Variants in SEMA3C observed in about 807,000 individuals in gnomAD.
The protein encoded by SEMA3C is semaphorin-3C.
In SEMA3C, 47 loss-of-function variants were observed where a neutral mutation model predicts 89.4. The observed-to-expected ratio is 0.53, with a 90% CI of 0.42 to 0.67. The LOEUF (loss-of-function observed/expected upper bound fraction) is 0.67. Ranked by LOEUF, SEMA3C falls within the 30% of genes least tolerant of loss-of-function variation. The pLI, the probability that SEMA3C is intolerant of heterozygous loss-of-function variation, is 0.00. For missense variants in SEMA3C, 839 were observed against 929.1 expected (o/e 0.90, Z 1.26); for synonymous variants, 310 against 320.2 (o/e 0.97, Z 0.34).
intron 12 of SEMA3C, among the ~76,000 whole-genome samples, chr7:80,765,989 G>C (rs1415997411): frequency 2.0e-5 from 3 of 152,108 alleles, no homozygotes; most frequent in African/African-American, 7.2e-5. Flanking sequence ...ATTATCTGAA[G>C]AAAGATGACT....
At chr7:80,771,594 G>A (rs1452171944) in intron 12 of SEMA3C, among the ~76,000 whole-genome samples, 1 of 152,142 alleles carries the variant, frequency 6.6e-6, no homozygotes, top group Admixed American at 6.5e-5. Flanking sequence ...AGTGTTGGCT[G>A]CCTCATGCGA....
At chr7:80,797,721 C>T (rs1040311007) in intron 11 of SEMA3C, among the ~76,000 whole-genome samples, 7 of 152,048 alleles carry the variant, frequency 4.6e-5, no homozygotes, top group Non-Finnish European at 1.0e-4. Context: ...ATATTCAGGC[C>T]GGGTGCGGTG....
At chr7:80,752,761 G>A (rs577324936) in intron 15 of SEMA3C, among the ~76,000 whole-genome samples, 1 of 152,178 alleles carries the variant, frequency 6.6e-6, no homozygotes, top group African/African-American at 2.4e-5. Flanking sequence ...AGAAGTCGAC[G>A]TAGAGCAGCT....
chr7:80,897,455 C>T (rs559652644), intron 2 of SEMA3C, among the ~76,000 whole-genome samples: 2 of 152,104 alleles, frequency 1.3e-5, no homozygotes, highest in Non-Finnish European at 2.9e-5. Context: ...GTCAACAGAC[C>T]ACACTTGCCT....
At chr7:80,917,218 C>T (rs955719358) in intron 1 of SEMA3C, among the ~76,000 whole-genome samples, 1 of 152,212 alleles carries the variant, frequency 6.6e-6, no homozygotes, top group Admixed American at 6.5e-5. Flanking sequence ...CCCCCACTAA[C>T]GTAACAGCAG....
At chr7:80,850,177 T>C (rs534153293) in intron 2 of SEMA3C, among the ~76,000 whole-genome samples, 6 of 152,272 alleles carry the variant, frequency 3.9e-5, no homozygotes, top group African/African-American at 1.4e-4. Flanking sequence ...ACAGAACAAC[T>C]AGAATTATCA....
intron 2 of SEMA3C, among the ~76,000 whole-genome samples, chr7:80,845,688 C>T (rs528749263): frequency 1.3e-5 from 2 of 152,264 alleles, no homozygotes; most frequent in African/African-American, 4.8e-5. Context: ...GAGCCTTCTA[C>T]TTGCTCTTCC....
At chr7:80,829,560 C>T (rs540744379) in intron 2 of SEMA3C, among the ~76,000 whole-genome samples, 9 of 152,146 alleles carry the variant, frequency 5.9e-5, no homozygotes, top group East Asian at 3.9e-4. Context: ...TGAAAGTAGA[C>T]GTATTTTCAG....
chr7:80,811,246 T>C (rs1293505634), intron 5 of SEMA3C, among the ~76,000 whole-genome samples: 2 of 152,140 alleles, frequency 1.3e-5, no homozygotes, highest in African/African-American at 4.8e-5. Flanking sequence ...GCATCTGCCA[T>C]GTACCAGAAA....
chr7:80,815,554 C>CAAAAAAAA lies in SEMA3C; in HGVS notation c.447+2737_447+2744dup, dbSNP rs761990267. ...AAACCCAATCCTTTCTTTAAATGGG[C>CAAAAAAAA]AAAAAAAAAAAAAAAAAAAGTAAAT... On this transcript the variant is annotated intron_variant, in intron 5 of 17. Coordinates refer to ENST00000265361, the MANE Select transcript of SEMA3C (RefSeq NM_006379.5). 7.9e-3 allele frequency among the ~76,000 whole-genome samples: 465 copies of CAAAAAAAA among 58,738 alleles called. 21 individuals carry two copies. The highest frequency in any genetic ancestry group is 0.011 in the Non-Finnish European group (333 of 30,776). 38.5% of individuals were successfully genotyped at this position (58,738 alleles called of 152,430 possible). A position where few individuals can be genotyped will look rare whatever the true frequency, so the allele number is the denominator to read the frequency against.
chr7:80,797,024 T>G (rs900971074), intron 11 of SEMA3C, among the ~76,000 whole-genome samples: 10 of 152,214 alleles, frequency 6.6e-5, no homozygotes, highest in Admixed American at 1.3e-4. Context: ...ATGGGATAAT[T>G]ATTTGGAAGA....
rs1474481469 is a variant in SEMA3C, at chr7:80,807,294, GA to G, written c.539-1537del. On this transcript the variant is annotated intron_variant, in intron 6 of 17. Transcript: ENST00000265361. ...TCATATCTGTTTTCAAGCAGAAAAA[GA>G]AAAAAAGATACTAAGAAGTTAGTGT... Among the ~76,000 whole-genome samples the G allele has an allele frequency of 5.9e-5, 9 of 151,952 alleles. No homozygotes were observed. In the South Asian group the frequency reaches 6.2e-4, roughly 11 times the overall value.
chr7:80,834,906 T>TA (rs1460806218), intron 2 of SEMA3C, among the ~76,000 whole-genome samples: 1 of 152,244 alleles, frequency 6.6e-6, no homozygotes, highest in Non-Finnish European at 1.5e-5. Context: ...GTATTGCTTT[T>TA]AAAATGTGTA....
intron 4 of SEMA3C, among the ~76,000 whole-genome samples, chr7:80,822,456 T>C (rs1349592941): frequency 6.9e-6 from 1 of 144,476 alleles, no homozygotes; most frequent in Admixed American, 6.8e-5. Flanking sequence ...GACATGAGAG[T>C]GCAGGATTTA....
intron 2 of SEMA3C, among the ~76,000 whole-genome samples, chr7:80,897,623 G>C (rs1349472391): frequency 6.6e-6 from 1 of 152,074 alleles, no homozygotes; most frequent in Non-Finnish European, 1.5e-5. Flanking sequence ...AAACTGAAGA[G>C]AAGAAAGATA....
At chr7:80,907,825 C>T (rs975939877) in intron 2 of SEMA3C, among the ~76,000 whole-genome samples, 1 of 151,866 alleles carries the variant, frequency 6.6e-6, no homozygotes, top group Non-Finnish European at 1.5e-5. Context: ...TGATAACTAG[C>T]GTACATCTAT....
In SEMA3C at chr7:80,765,184, G is replaced by A; in HGVS notation, c.1414C>T (p.Leu472Phe). The change falls in exon 13 of 18, where the codon CTC (leucine) becomes TTC (phenylalanine). Residue 472 changes from leucine (L) to phenylalanine (F), a missense_variant. Coordinates refer to ENST00000265361, the MANE Select transcript of SEMA3C (RefSeq NM_006379.5). ...LPTNNSVSGE[L>F]ILEELEVFKN... ...AAGACTTCCAGCTCCTCCAGAATGA[G>A]CTCGCCACTGACAGAGTTGTTAGTA... 6.2e-7 allele frequency: 1 copy of A among 1,613,600 alleles called. No individual in the cohort carries two copies. Among genetic ancestry groups the A allele is most frequent in the Non-Finnish European group, 8.5e-7 (1 of 1,179,726 alleles).
chr7:80,831,134 CT>C (rs1790000821), intron 2 of SEMA3C, among the ~76,000 whole-genome samples: 1 of 152,180 alleles, frequency 6.6e-6, no homozygotes, highest in African/African-American at 2.4e-5. Flanking sequence ...ACAAATACCT[CT>C]TAATAAATAA....
intron 14 of SEMA3C, among the ~76,000 whole-genome samples, chr7:80,760,358 T>C (rs1025741159): frequency 1.3e-5 from 2 of 152,152 alleles, no homozygotes; most frequent in African/African-American, 2.4e-5. Flanking sequence ...TACTTTCTCT[T>C]TCCATTAACT....
Sources: gnomAD v4.1 joint callset for allele counts (sites outside exome capture counted in the v4.1 genomes callset) on GRCh38, gnomAD v4.1.1 for gene constraint, MANE v1.5 for transcripts, NCBI Gene and HGNC (gene_info 2026-07-23, HGNC 2026-07-21) for gene names.